Variants in HTR4 observed in about 807,000 individuals in gnomAD.
HTR4 encodes 5-hydroxytryptamine receptor 4, also known as 5-hydroxytryptamine (serotonin) receptor 4, G protein-coupled.
A neutral mutation model predicts 36.8 loss-of-function variants in HTR4; 16 were observed. That is an observed-to-expected ratio of 0.43 (90% confidence interval 0.29 to 0.66). HTR4 has a LOEUF of 0.66. HTR4 is among the 30% of genes least tolerant of loss of function. The pLI is 0.13. For missense variants in HTR4, 438 were observed against 490.9 expected, an observed-to-expected ratio of 0.89 and a Z score of 1.02; for synonymous variants, 189 against 185.1, an observed-to-expected ratio of 1.02 and a Z score of -0.17.
intron 2 of HTR4, among the ~76,000 whole-genome samples, chr5:148,582,040 C>T (rs151065982): frequency 1.0e-3 from 156 of 152,072 alleles, no homozygotes; most frequent in Admixed American, 7.1e-3. Flanking sequence ...ATGAGTCTTT[C>T]ACCTCCTTAG....
chr5:148,494,873 G>T (rs1234863835), intron 6 of HTR4, among the ~76,000 whole-genome samples: 1 of 152,236 alleles, frequency 6.6e-6, no homozygotes. Context: ...AAATAGTCAT[G>T]TGTGGCTAGT....
chr5:148,636,152 T>A (rs1270325075), intron 2 of HTR4, among the ~76,000 whole-genome samples: 1 of 152,146 alleles, frequency 6.6e-6, no homozygotes, highest in Non-Finnish European at 1.5e-5. Context: ...TACACTAGAG[T>A]TTCTGTCAAG....
At chr5:148,605,447 G>A (rs571588450) in intron 2 of HTR4, among the ~76,000 whole-genome samples, 1 of 151,238 alleles carries the variant, frequency 6.6e-6, no homozygotes, top group Admixed American at 6.6e-5. Context: ...TTGTAGAGAT[G>A]GGGTTTCACC....
At chr5:148,484,174 A>T in intron 6 of HTR4, 1 of 1,388,632 alleles carries the variant, frequency 7.2e-7, no homozygotes, top group Non-Finnish European at 9.8e-7. Context: ...ACAATGGTAG[A>T]TATTTCAGTT....
intron 2 of HTR4, among the ~76,000 whole-genome samples, chr5:148,577,452 C>A (rs760924859): frequency 2.0e-5 from 3 of 152,096 alleles, no homozygotes; most frequent in Non-Finnish European, 4.4e-5. Context: ...TTCGACCCAG[C>A]AATCCCATTA....
intron 2 of HTR4, among the ~76,000 whole-genome samples, chr5:148,607,519 T>C (rs566919823): frequency 2.0e-5 from 3 of 152,164 alleles, no homozygotes; most frequent in Non-Finnish European, 4.4e-5. Flanking sequence ...TTCCACTTTC[T>C]TTTCCTAAGA....
chr5:148,572,113 T>C (rs1760702040), intron 2 of HTR4, among the ~76,000 whole-genome samples: 1 of 152,094 alleles, frequency 6.6e-6, no homozygotes, highest in Non-Finnish European at 1.5e-5. Flanking sequence ...TAATGTAATA[T>C]AATATAATAA....
intron 5 of HTR4, among the ~76,000 whole-genome samples, chr5:148,458,616 T>C (rs1010041165): frequency 4.0e-5 from 6 of 151,750 alleles, no homozygotes; most frequent in African/African-American, 1.2e-4. Context: ...GAACTGAAAA[T>C]TGAGTAGGGG....
At chr5:148,589,544 T>C (rs775336792) in intron 2 of HTR4, among the ~76,000 whole-genome samples, 3 of 152,164 alleles carry the variant, frequency 2.0e-5, no homozygotes, top group Non-Finnish European at 2.9e-5. Flanking sequence ...CTGGTTGGGT[T>C]GTTTGGTGTT....
chr5:148,630,807 AG>A (rs1369588559), intron 2 of HTR4, among the ~76,000 whole-genome samples: 2 of 152,162 alleles, frequency 1.3e-5, no homozygotes, highest in African/African-American at 4.8e-5. Flanking sequence ...TGTAATCTTA[AG>A]AAAAATCCCA....
At chr5:148,566,563 A>T (rs1432461039) in intron 2 of HTR4, among the ~76,000 whole-genome samples, 2 of 152,152 alleles carry the variant, frequency 1.3e-5, no homozygotes, top group African/African-American at 4.8e-5. Context: ...AATGTCTGAG[A>T]TTGAATTTAC....
chr5:148,464,931 G>A (rs1755385328), intron 5 of HTR4, among the ~76,000 whole-genome samples: 1 of 152,162 alleles, frequency 6.6e-6, no homozygotes, highest in Admixed American at 6.5e-5. Flanking sequence ...CAGACATGGA[G>A]GAATCTTAAA....
In HTR4 at chr5:148,482,924, T is replaced by C. The variant is rs201807570; in HGVS notation, c.*279A>G. 3.8e-6 allele frequency: 5 copies of C among 1,327,814 alleles called. No homozygotes were observed. Among genetic ancestry groups the C allele is most frequent in the Non-Finnish European group, 3.9e-6 (4 of 1,032,216 alleles). The allele number at this position is 1,327,814 out of a possible 1,614,324, so 82.3% of individuals were successfully genotyped here. ...AGACACAGTGAGTGACGGGAACATGTCAGAGACACCAGAGACCACGCGGCA... is the reference window on the plus strand; with the variant it reads ...AGACACAGTGAGTGACGGGAACATGCCAGAGACACCAGAGACCACGCGGCA... On this transcript the variant is annotated 3_prime_UTR_variant, in exon 7 of 7. Transcript: ENST00000377888.
intron 6 of HTR4, among the ~76,000 whole-genome samples, chr5:148,487,157 C>T (rs905828081): frequency 6.6e-6 from 1 of 152,062 alleles, no homozygotes; most frequent in Non-Finnish European, 1.5e-5. Flanking sequence ...GGTACAGAGT[C>T]TTGTTTCCAT....
chr5:148,628,183 C>A (rs756026788), intron 2 of HTR4, among the ~76,000 whole-genome samples: 35 of 152,196 alleles, frequency 2.3e-4, no homozygotes, highest in Non-Finnish European at 4.7e-4. Context: ...AAATGATAGA[C>A]CTTTTGCCAC....
intron 6 of HTR4, among the ~76,000 whole-genome samples, chr5:148,493,723 T>G (rs1045872909): frequency 1.3e-5 from 2 of 152,168 alleles, no homozygotes; most frequent in Admixed American, 6.5e-5. Flanking sequence ...TTAAGAACAC[T>G]TTTTCCTGCC....
chr5:148,503,799 T>C (rs1464647424), intron 6 of HTR4, among the ~76,000 whole-genome samples: 1 of 151,934 alleles, frequency 6.6e-6, no homozygotes, highest in Non-Finnish European at 1.5e-5. Flanking sequence ...TGGAGGAAGA[T>C]CTACCAAGCA....
At chr5:148,451,397 G>A in intron 5 of HTR4, 1 of 1,507,236 alleles carries the variant, frequency 6.6e-7, no homozygotes, top group Non-Finnish European at 9.0e-7. Flanking sequence ...GGTGAAGTGG[G>A]AGTGGGGATG....
chr5:148,493,507 T>A (rs1199332565), intron 6 of HTR4, among the ~76,000 whole-genome samples: 1 of 152,186 alleles, frequency 6.6e-6, no homozygotes, highest in Non-Finnish European at 1.5e-5. Context: ...CATTGCACAA[T>A]GTAAAAGTGA....
Sources: allele counts gnomAD v4.1 joint callset (sites outside exome capture counted in the v4.1 genomes callset), GRCh38; gene constraint gnomAD v4.1.1; transcripts MANE v1.5; gene names NCBI Gene and HGNC (gene_info 2026-07-23, HGNC 2026-07-21).